The following BACE2 variants were observed in gnomAD, a reference collection of about 807,000 sequenced individuals.
BACE2 encodes the protein 56 kDa aspartic-like protease.
In BACE2, 17 loss-of-function variants were observed where a neutral mutation model predicts 46.2. The ratio of observed to expected loss-of-function variants is 0.37; its 90% CI spans 0.25 to 0.55. BACE2 has a LOEUF of 0.55. Ranked by LOEUF, BACE2 falls within the 20% of genes least tolerant of loss-of-function variation. The pLI, the probability that BACE2 is intolerant of heterozygous loss-of-function variation, is 0.82. For synonymous variants in BACE2, 277 were observed against 295.9 expected (o/e 0.94, Z 0.66); for missense variants, 595 against 698.1 (o/e 0.85, Z 1.66).
chr21:41,213,414 G>A (rs377240544), intron 1 of BACE2, among the ~76,000 whole-genome samples: 19 of 152,172 alleles, frequency 1.2e-4, no homozygotes, highest in African/African-American at 4.6e-4. Context: ...AGGGGTGAGA[G>A]GTGGTTTCTA....
intron 2 of BACE2, among the ~76,000 whole-genome samples, chr21:41,227,030 T>C (rs1045464146): frequency 3.3e-5 from 5 of 152,062 alleles, no homozygotes; most frequent in African/African-American, 1.2e-4. Flanking sequence ...CTGGGTGGGG[T>C]TGTGGGGAGG....
chr21:41,177,656 C>T (rs982761744), intron 1 of BACE2: 4 of 152,182 alleles, frequency 2.6e-5, no homozygotes, highest in Non-Finnish European at 5.9e-5. Flanking sequence ...ACCTTAGCCT[C>T]GCGCAGCGTC....
chr21:41,211,875 A>G (rs1353836940), intron 1 of BACE2, among the ~76,000 whole-genome samples: 2 of 152,348 alleles, frequency 1.3e-5, no homozygotes, highest in Admixed American at 1.3e-4. Flanking sequence ...GGCTTTCTGT[A>G]GGGTTATTGC....
chr21:41,202,291 G>A (rs973860194), intron 1 of BACE2, among the ~76,000 whole-genome samples: 3 of 152,222 alleles, frequency 2.0e-5, no homozygotes, highest in African/African-American at 7.2e-5. Flanking sequence ...CCATGATGAG[G>A]AAGGAGCAGG....
Position 41,227,295 on chromosome 21 carries a change from A to G in BACE2, c.401+941A>G, listed in dbSNP as rs995519694. Among the ~76,000 whole-genome samples, 7 of 152,290 alleles carry G rather than the reference A, an allele frequency of 4.6e-5. No individual in the cohort carries two copies. In the South Asian group the frequency reaches 1.0e-3, roughly 23 times the overall value. ...TGTTTTTTAGGGTCATGAACCTTCT[A>G]GAGGCTCGGAACTGTCACATTAGGT... is the stretch of plus-strand genomic sequence containing the variant. On this transcript the variant is annotated intron_variant, in intron 2 of 8. Coordinates refer to ENST00000330333, the MANE Select transcript of BACE2 (RefSeq NM_012105.5).
rs145104456 is a variant in BACE2 at position 41,249,515 on chromosome 21, C to G, written c.985-1237C>G. 2.8e-3 allele frequency among the ~76,000 whole-genome samples: 422 copies of G among 152,300 alleles called. 2 individuals are homozygous for G. The highest frequency in any genetic ancestry group is 9.8e-3 in the African/African-American group (408 of 41,560). ...CATGGCATTCCTTCACAGTGGCACC[C>G]CTCGTTCCCTCCCCACCTCATCTCC... On this transcript the variant is annotated intron_variant, in intron 6 of 8. Coordinates refer to ENST00000330333, the MANE Select transcript of BACE2 (RefSeq NM_012105.5).
intron 1 of BACE2, chr21:41,175,760 A>ATATG (rs1452383807): frequency 6.6e-6 from 1 of 152,222 alleles, no homozygotes; most frequent in African/African-American, 2.4e-5. Flanking sequence ...GCCAGGGTTA[A>ATATG]TATGGTCTGG....
At chr21:41,194,206 A>G (rs1985665965) in intron 1 of BACE2, among the ~76,000 whole-genome samples, 1 of 152,108 alleles carries the variant, frequency 6.6e-6, no homozygotes, top group Non-Finnish European at 1.5e-5. Context: ...TTTCACTTCT[A>G]GGAACACCAT....
intron 1 of BACE2, chr21:41,181,868 A>C (rs901552762): frequency 6.0e-6 from 1 of 167,048 alleles, no homozygotes; most frequent in African/African-American, 2.4e-5. Flanking sequence ...GCAGCCATAA[A>C]GATGATTCTA....
intron 1 of BACE2, among the ~76,000 whole-genome samples, chr21:41,187,679 G>C (rs552445001): frequency 6.6e-6 from 1 of 152,318 alleles, no homozygotes; most frequent in South Asian, 2.1e-4. Context: ...AAGATGTGAT[G>C]TGTAGATACT....
intron 7 of BACE2, among the ~76,000 whole-genome samples, chr21:41,251,319 A>G (rs529752816): frequency 3.3e-5 from 5 of 152,312 alleles, no homozygotes; most frequent in East Asian, 1.9e-4. Context: ...TATCTCTTCC[A>G]TGATGCTGCC....
intron 8 of BACE2, among the ~76,000 whole-genome samples, chr21:41,265,173 CTTT>C (rs78649572): frequency 8.1e-6 from 1 of 123,294 alleles, no homozygotes; most frequent in Non-Finnish European, 1.8e-5. Context: ...AAAGTCCTTC[CTTT>C]TTTTTTTTTT....
At chr21:41,177,621 G>GTT (rs1601240244) in intron 1 of BACE2, 1 of 152,246 alleles carries the variant, frequency 6.6e-6, no homozygotes, top group Non-Finnish European at 1.5e-5. Flanking sequence ...TATTGCGAGA[G>GTT]TTAAGTGAGC....
rs555091068 is a variant in BACE2, at chr21:41,199,872, C to T, written c.313-26394C>T. 2.0e-4 allele frequency among the ~76,000 whole-genome samples: 31 copies of T among 152,110 alleles called. No homozygotes were observed. In the South Asian group the frequency reaches 6.4e-3, roughly 32 times the overall value. The stretch of plus-strand genomic sequence containing the variant: ...TCCAAAAATAGCCCTTCCATCATAA[C>T]CTCTTCTTCCCACCTATGAGTGAGA... On this transcript the variant is annotated intron_variant, in intron 1 of 8. Transcript: ENST00000330333.
intron 1 of BACE2, chr21:41,177,189 C>T (rs1984886357): frequency 6.6e-6 from 1 of 152,202 alleles, no homozygotes; most frequent in Admixed American, 6.5e-5. Context: ...AGGCTTGTTC[C>T]AGAATGCAGA....
At chr21:41,214,223 A>G (rs1404232488) in intron 1 of BACE2, among the ~76,000 whole-genome samples, 4 of 152,122 alleles carry the variant, frequency 2.6e-5, no homozygotes, top group African/African-American at 4.8e-5. Flanking sequence ...GTGGAGGGAG[A>G]TTGGACCCCA....
At chr21:41,180,062 G>A in intron 1 of BACE2, 1 of 270,986 alleles carries the variant, frequency 3.7e-6, no homozygotes, top group Admixed American at 5.1e-5. Flanking sequence ...TACAGGCTGT[G>A]CGCCCACAGT....
At chr21:41,269,126 G>A (rs2088408770) in intron 8 of BACE2, among the ~76,000 whole-genome samples, 1 of 151,736 alleles carries the variant, frequency 6.6e-6, no homozygotes, top group African/African-American at 2.4e-5. Context: ...GGCTAATTTT[G>A]TATTTTTAGT....
At chr21:41,170,406 G>A (rs1032923313) in intron 1 of BACE2, among the ~76,000 whole-genome samples, 4 of 152,122 alleles carry the variant, frequency 2.6e-5, no homozygotes, top group East Asian at 1.9e-4. Flanking sequence ...TCCAGGGAGC[G>A]CTGCTTCTAC....
Sources: allele counts gnomAD v4.1 joint callset (sites outside exome capture counted in the v4.1 genomes callset), GRCh38; gene constraint gnomAD v4.1.1; transcripts MANE v1.5; gene names NCBI Gene and HGNC (gene_info 2026-07-23, HGNC 2026-07-21).